Variants in IMPG1 observed in about 807,000 individuals in gnomAD.
IMPG1 encodes the protein interphotoreceptor matrix proteoglycan 1.
Under a neutral mutation model 92.0 loss-of-function variants are expected in IMPG1, and 85 were observed. That is an observed-to-expected ratio of 0.92 (90% CI 0.78 to 1.11). The LOEUF (loss-of-function observed/expected upper bound fraction) is 1.11. Ranked by LOEUF, IMPG1 falls within the 50% of genes least tolerant of loss-of-function variation. IMPG1 has a pLI of 0.00. For missense variants in IMPG1, 1,022 were observed against 956.0 expected (o/e 1.07, Z -0.91); for synonymous variants, 367 against 334.1 (o/e 1.10, Z -1.08).
At chr6:75,976,132 G>A (rs1232004286) in intron 12 of IMPG1, among the ~76,000 whole-genome samples, 1 of 152,136 alleles carries the variant, frequency 6.6e-6, no homozygotes, top group Non-Finnish European at 1.5e-5. Context: ...ATTAACTAAT[G>A]AGGTAAATAA....
intron 2 of IMPG1, among the ~76,000 whole-genome samples, chr6:76,041,169 A>G (rs1783831690): frequency 6.6e-6 from 1 of 152,180 alleles, no homozygotes; most frequent in African/African-American, 2.4e-5. Flanking sequence ...AGAAGCCATG[A>G]GAATTTTGTC....
At chr6:76,058,814 T>C (rs1195778610) in intron 1 of IMPG1, among the ~76,000 whole-genome samples, 1 of 152,188 alleles carries the variant, frequency 6.6e-6, no homozygotes, top group East Asian at 1.9e-4. Flanking sequence ...TCCGTTTGAG[T>C]TTCTCTAATA....
At chr6:76,027,393 A>AG (rs2149485594) in intron 4 of IMPG1, among the ~76,000 whole-genome samples, 1 of 152,372 alleles carries the variant, frequency 6.6e-6, no homozygotes, top group South Asian at 2.1e-4. Context: ...GTAACTTACC[A>AG]GGTTTTACCT....
intron 12 of IMPG1, among the ~76,000 whole-genome samples, chr6:75,955,678 A>T (rs764865031): frequency 1.3e-5 from 2 of 152,164 alleles, no homozygotes; most frequent in Non-Finnish European, 2.9e-5. Flanking sequence ...ATCTTGTGCC[A>T]GTTTTCAAAG....
intron 1 of IMPG1, among the ~76,000 whole-genome samples, chr6:76,061,186 T>C (rs1233095149): frequency 6.6e-6 from 1 of 152,228 alleles, no homozygotes; most frequent in Non-Finnish European, 1.5e-5. Context: ...CAAGTGTTTT[T>C]TATTACTAAA....
At chr6:76,058,586 T>C (rs1784157015) in intron 1 of IMPG1, among the ~76,000 whole-genome samples, 1 of 152,186 alleles carries the variant, frequency 6.6e-6, no homozygotes, top group Non-Finnish European at 1.5e-5. Context: ...CTGTGCAGAA[T>C]GAAGTTCTGT....
intron 8 of IMPG1, among the ~76,000 whole-genome samples, chr6:76,008,685 C>T (rs185951526): frequency 2.0e-5 from 3 of 152,252 alleles, no homozygotes; most frequent in Non-Finnish European, 4.4e-5. Flanking sequence ...GGTCAAGACC[C>T]TAGTCCTTTT....
At position 76,041,901 on chromosome 6, in the gene IMPG1, C is replaced by A; in HGVS notation, c.293G>T (p.Arg98Ile). 1 of 1,599,466 alleles carries A rather than the reference C, an allele frequency of 6.3e-7. No homozygotes were observed. The highest frequency in any genetic ancestry group is 8.6e-7 in the Non-Finnish European group (1 of 1,166,762). The stretch of plus-strand genomic sequence containing the variant: ...TTCATCTCTTTCCTTACCTCTCAAT[C>A]TATAATAAGCTTGAAGACTGTCTAA... ...QILDSLQAYY[R>I]LRVCQEAVWE... is the part of the protein sequence containing the mutation. The change falls in exon 2 of 17, where the codon AGA (arginine) becomes ATA (isoleucine). Residue 98 changes from arginine (R) to isoleucine (I), a missense_variant. Physicochemically the swap from Arg to Ile is moderately conservative, Grantham distance 97 (BLOSUM62 -3). Around this residue, in one of 3 missense-constraint regions of IMPG1, gnomAD observed 681 missense variants for 583.6 expected, o/e 1.17. Coordinates refer to ENST00000369950, the MANE Select transcript of IMPG1 (RefSeq NM_001563.4).
At chr6:75,991,132 C>G (rs988969409) in intron 12 of IMPG1, among the ~76,000 whole-genome samples, 23 of 152,112 alleles carry the variant, frequency 1.5e-4, no homozygotes, top group Non-Finnish European at 2.9e-4. Context: ...GTGGTTCACG[C>G]CTATAATCCC....
At chr6:76,032,918 ATTAG>A (rs1314374839) in intron 4 of IMPG1, among the ~76,000 whole-genome samples, 7 of 152,148 alleles carry the variant, frequency 4.6e-5, no homozygotes, top group East Asian at 1.9e-4. Flanking sequence ...AAAGGTCTGG[ATTAG>A]TTAGTTTGGC....
intron 4 of IMPG1, among the ~76,000 whole-genome samples, chr6:76,025,953 G>A (rs1188138334): frequency 2.0e-5 from 3 of 152,164 alleles, no homozygotes; most frequent in Non-Finnish European, 4.4e-5. Context: ...AGAGAGCCAG[G>A]TGGGAGGAGG....
chr6:76,025,094 T>C (rs955744927), intron 5 of IMPG1, 100 bp downstream of exon 5: 53 of 754,686 alleles, frequency 7.0e-5, no homozygotes, highest in East Asian at 1.3e-4. Context: ...GAAAGTACAT[T>C]ATAAACATTA....
At chr6:75,965,321 A>G (rs186494368) in intron 12 of IMPG1, among the ~76,000 whole-genome samples, 107 of 152,120 alleles carry the variant, frequency 7.0e-4, no homozygotes, top group Non-Finnish European at 1.3e-3. Flanking sequence ...CCAGCAATGT[A>G]TAAGTGATAC....
chr6:76,021,632 A>G (rs1783425758), intron 6 of IMPG1, among the ~76,000 whole-genome samples: 1 of 151,664 alleles, frequency 6.6e-6, no homozygotes, highest in African/African-American at 2.4e-5. Context: ...CAGGATTTTG[A>G]TCATTTTGAT....
At chr6:76,061,316 A>G (rs566251805) in intron 1 of IMPG1, among the ~76,000 whole-genome samples, 7 of 152,364 alleles carry the variant, frequency 4.6e-5, no homozygotes, top group African/African-American at 1.7e-4. Context: ...ACACAGTTGA[A>G]CAAGAAAGTC....
intron 1 of IMPG1, among the ~76,000 whole-genome samples, chr6:76,061,511 G>T (rs1398618069): frequency 6.6e-6 from 1 of 152,166 alleles, no homozygotes; most frequent in Non-Finnish European, 1.5e-5. Flanking sequence ...CAATAGTAAA[G>T]GATTGGCAAG....
chr6:75,950,159 G>T (rs1484228676), intron 13 of IMPG1, among the ~76,000 whole-genome samples: 1 of 152,150 alleles, frequency 6.6e-6, no homozygotes, highest in Non-Finnish European at 1.5e-5. Context: ...TGAACTCTCA[G>T]CCTCATCTGT....
At position 76,003,017 on chromosome 6, in the gene IMPG1, G is replaced by C. The variant is rs776569999; in HGVS notation, c.1213-21C>G. ...GCATCCTGAAGAATGAATTTTGCAA[G>C]ACAGATGTTGAGAAAGGATGTTTGT... On this transcript the variant is annotated intron_variant, in intron 11 of 16. Transcript: ENST00000369950. 3.8e-6 allele frequency: 6 copies of C among 1,560,392 alleles called. No individual in the cohort carries two copies. In the Admixed American group the frequency reaches 8.4e-5, roughly 22 times the overall value.
At chr6:76,006,643 TA>T (rs927271190) in intron 9 of IMPG1, among the ~76,000 whole-genome samples, 19 of 151,714 alleles carry the variant, frequency 1.3e-4, no homozygotes, top group African/African-American at 4.4e-4. Flanking sequence ...ATTTTTTAAT[TA>T]AAAAAATACA....
Sources: allele counts gnomAD v4.1 joint callset (sites outside exome capture counted in the v4.1 genomes callset), GRCh38; gene constraint gnomAD v4.1.1; regional missense constraint gnomAD v4.1.1; transcripts MANE v1.5; gene names NCBI Gene and HGNC (gene_info 2026-07-23, HGNC 2026-07-21).